The following DHRS7C variants were observed in gnomAD, a reference collection of about 807,000 sequenced individuals.
The protein encoded by DHRS7C is dehydrogenase/reductase SDR family member 7C.
DHRS7C carries 28 observed loss-of-function variants against 29.6 expected under a neutral mutation model. The ratio of observed to expected loss-of-function variants is 0.95; its 90% confidence interval spans 0.70 to 1.30. DHRS7C has a LOEUF of 1.30. Ranked by LOEUF, DHRS7C falls within the 50% of genes most tolerant of loss-of-function variation. DHRS7C has a pLI of 0.00. For missense variants in DHRS7C, 403 were observed against 393.3 expected, an observed-to-expected ratio of 1.02 and a Z score of -0.21; for synonymous variants, 158 against 160.2, an observed-to-expected ratio of 0.99 and a Z score of 0.10.
intron 4 of DHRS7C, among the ~76,000 whole-genome samples, chr17:9,776,223 A>G (rs1434715489): frequency 6.6e-6 from 1 of 152,136 alleles, no homozygotes; most frequent in Non-Finnish European, 1.5e-5. Flanking sequence ...AAAGAAAAGA[A>G]GAGGAAATTT....
chr17:9,782,926 A>G lies in DHRS7C; in HGVS notation c.155-1332T>C, dbSNP rs2066401364. The G allele has an allele frequency of 2.0e-5, 3 of 152,326 alleles. No homozygotes were observed. The East Asian group carries it at 5.8e-4, about 29-fold the overall frequency. The allele number at this position is 152,326 out of a possible 1,614,324, so 9.4% of individuals were successfully genotyped here. On this transcript the variant is annotated intron_variant, in intron 1 of 5. Transcript: ENST00000571134. Reference sequence around the variant, plus strand: ...TGTGATTTTCTCCAGCAGAGCCAAGAAGCCTGCTGCAGGTGGAGAGAAGGG... The same window carrying G: ...TGTGATTTTCTCCAGCAGAGCCAAGGAGCCTGCTGCAGGTGGAGAGAAGGG...
At chr17:9,788,803 C>A (rs908163743) in intron 1 of DHRS7C, among the ~76,000 whole-genome samples, 2 of 152,216 alleles carry the variant, frequency 1.3e-5, no homozygotes, top group African/African-American at 4.8e-5. Context: ...CCGTCAGCAG[C>A]GTGGAGAGCT....
chr17:9,771,924 C>T (rs1303221024), intron 5 of DHRS7C, among the ~76,000 whole-genome samples: 1 of 152,236 alleles, frequency 6.6e-6, no homozygotes, highest in Non-Finnish European at 1.5e-5. Context: ...GTTTCCTGCC[C>T]TGATAATTTC....
chr17:9,784,956 C>T (rs949563408), intron 1 of DHRS7C, among the ~76,000 whole-genome samples: 5 of 152,098 alleles, frequency 3.3e-5, no homozygotes, highest in South Asian at 2.1e-4. Context: ...GTGTTGAATA[C>T]GATGCCATAA....
At position 9,779,953 on chromosome 17, in the gene DHRS7C, T is replaced by C. The variant is rs2066384408; in HGVS notation, c.350A>G (p.Tyr117Cys). The change falls in exon 3 of 6, where the codon TAT (tyrosine) becomes TGT (cysteine). Residue 117 changes from tyrosine to cysteine, a missense_variant. Physicochemically the swap from Tyr to Cys is radical, Grantham distance 194. Transcript: ENST00000571134. ...PDVAKEVLDC[Y>C]GCVDILINNA... ...GTTGATGAGGATGTCCACACAGCCA[T>C]AGCAATCCAGGACTTCTTTTGCCAC... 6.2e-7 allele frequency: 1 copy of C among 1,613,834 alleles called. No homozygotes were observed. The highest frequency in any genetic ancestry group is 1.3e-5 in the African/African-American group (1 of 74,910).
In DHRS7C at chr17:9,774,271, T is replaced by G. The variant is rs2066348546; in HGVS notation, c.572-1349A>C. On this transcript the variant is annotated intron_variant, in intron 4 of 5. Transcript: ENST00000571134. The surrounding 1 kb of genome is among the most constrained non-coding windows in gnomAD (Gnocchi z 5.0). ...GGGCAGACACGTGGACAGGTAACTT[T>G]CCATGTGGTGTTTTTTGTTTTGTTT... Among the ~76,000 whole-genome samples the G allele has an allele frequency of 6.6e-6, 1 of 152,056 alleles. No individual in the cohort carries two copies. Among genetic ancestry groups the G allele is most frequent in the Non-Finnish European group, 1.5e-5 (1 of 68,000 alleles).
intron 1 of DHRS7C, among the ~76,000 whole-genome samples, chr17:9,781,861 C>G (rs1405747954): frequency 6.6e-6 from 1 of 152,198 alleles, no homozygotes; most frequent in East Asian, 1.9e-4. Flanking sequence ...GGAAATTCTT[C>G]CTTACACTGA....
At chr17:9,776,965 C>A (rs758850083) in intron 4 of DHRS7C, among the ~76,000 whole-genome samples, 2 of 152,130 alleles carry the variant, frequency 1.3e-5, no homozygotes, top group Non-Finnish European at 2.9e-5. Flanking sequence ...GTGAGCTTCG[C>A]GGACAGAAGG....
intron 1 of DHRS7C, among the ~76,000 whole-genome samples, chr17:9,784,120 C>T (rs535870426): frequency 6.6e-6 from 1 of 151,878 alleles, no homozygotes; most frequent in African/African-American, 2.4e-5. Flanking sequence ...GACTCCTGAG[C>T]ATCCATTGAA....
chr17:9,791,372 C>G lies in DHRS7C; in HGVS notation c.-88G>C. 2 of 1,469,190 alleles carry G rather than the reference C, an allele frequency of 1.4e-6. No individual in the cohort carries two copies. The highest frequency in any genetic ancestry group is 1.8e-6 in the Non-Finnish European group (2 of 1,083,742). 91.0% of individuals were successfully genotyped at this position (1,469,190 alleles called of 1,614,324 possible). On this transcript the variant is annotated 5_prime_UTR_variant, in exon 1 of 6. Coordinates refer to ENST00000571134, the MANE Select transcript of DHRS7C (RefSeq NM_001105571.3). Reference sequence around the variant, plus strand: ...TCCCAGGGCAGGGGGAGGCCCAAGGCTGCAGGGAGCTCAGCTCTGTGCAAG... The same window carrying G: ...TCCCAGGGCAGGGGGAGGCCCAAGGGTGCAGGGAGCTCAGCTCTGTGCAAG...
intron 2 of DHRS7C, among the ~76,000 whole-genome samples, chr17:9,781,160 A>T (rs1202815706): frequency 3.4e-5 from 5 of 148,706 alleles, no homozygotes; most frequent in Middle Eastern, 3.4e-3. Context: ...TCAGGTATTT[A>T]AAAAAAAATG....
intron 1 of DHRS7C, among the ~76,000 whole-genome samples, chr17:9,782,457 TC>T (rs1382666529): frequency 2.0e-5 from 3 of 152,100 alleles, no homozygotes; most frequent in Non-Finnish European, 2.9e-5. Context: ...TTTGGTTTGA[TC>T]CAGGAAAGAC....
intron 4 of DHRS7C, among the ~76,000 whole-genome samples, chr17:9,776,117 C>A (rs2066361281): frequency 6.6e-6 from 1 of 152,212 alleles, no homozygotes; most frequent in Non-Finnish European, 1.5e-5. Context: ...GCAGAAGAAT[C>A]TCTTGATCCT....
Position 9,771,565 on chromosome 17 carries a change from T to G in DHRS7C, c.859A>C (p.Thr287Pro). ...PIPKAAVYVR[T>P]FFPEFFFAVV... Reference sequence around the variant, plus strand: ...GCGAAAAAGAACTCCGGGAAGAAGGTGCGGACGTACACGGCGGCCTTGGGG... The same window carrying G: ...GCGAAAAAGAACTCCGGGAAGAAGGGGCGGACGTACACGGCGGCCTTGGGG... Residue 287 changes from threonine (T) to proline (P), a missense_variant, in exon 6 of 6, where the codon ACC (threonine) becomes CCC (proline). Coordinates refer to ENST00000571134, the MANE Select transcript of DHRS7C (RefSeq NM_001105571.3). 6.3e-7 allele frequency: 1 copy of G among 1,592,674 alleles called. No individual in the cohort carries two copies.
chr17:9,777,316 A>C lies in DHRS7C; in HGVS notation c.479-31T>G, dbSNP rs1248520240. On this transcript the variant is annotated intron_variant, in intron 3 of 5. Coordinates refer to ENST00000571134, the MANE Select transcript of DHRS7C (RefSeq NM_001105571.3). ...AAACACAGGACGATGCATCATGGTT[A>C]AAACTTTGAGACTGAGTTAGGCAGC... 1.9e-6 allele frequency: 3 copies of C among 1,598,128 alleles called. No homozygotes were observed. The African/African-American group carries it at 4.0e-5, about 21-fold the overall frequency.
chr17:9,781,418 T>C, intron 2 of DHRS7C, 64 bp downstream of exon 2: 1 of 1,509,218 alleles, frequency 6.6e-7, no homozygotes, highest in Non-Finnish European at 9.2e-7. Context: ...GAGCTGGTCC[T>C]GAACAATCAA....
At chr17:9,782,342 G>A (rs1373575027) in intron 1 of DHRS7C, among the ~76,000 whole-genome samples, 1 of 152,146 alleles carries the variant, frequency 6.6e-6, no homozygotes, top group African/African-American at 2.4e-5. Flanking sequence ...ACAAGGATTC[G>A]GGTGGCCAGG....
In DHRS7C at chr17:9,771,656, C is replaced by T. The variant is rs1597921452; in HGVS notation, c.768G>A (p.Glu256=). Residue 256 remains glutamate, a synonymous_variant, in exon 6 of 6, where the codon GAG becomes GAA. Transcript: ENST00000571134. ...CGGTGCGCATCACCTCCTCCGCCAC[C>T]TCTACTGGGTGCACGCCGTAGGTCA... ...RKLTYGVHPV[E]VAEEVMRTVR... 1.3e-6 allele frequency: 2 copies of T among 1,582,132 alleles called. No individual in the cohort carries two copies. Among genetic ancestry groups the T allele is most frequent in the Non-Finnish European group, 1.7e-6 (2 of 1,162,114 alleles).
At chr17:9,780,757 G>A (rs2066388910) in intron 2 of DHRS7C, among the ~76,000 whole-genome samples, 1 of 152,178 alleles carries the variant, frequency 6.6e-6, no homozygotes, top group Non-Finnish European at 1.5e-5. Context: ...GTGCACACTG[G>A]CATATTAAAG....
Sources: gnomAD v4.1 joint callset for allele counts (sites outside exome capture counted in the v4.1 genomes callset) on GRCh38, gnomAD v4.1.1 for gene constraint, Gnocchi (gnomAD v3.1) non-coding constraint, MANE v1.5 for transcripts, NCBI Gene and HGNC (gene_info 2026-07-23, HGNC 2026-07-21) for gene names.